The following MTSS2 variants were observed in gnomAD, a reference collection of about 807,000 sequenced individuals.
MTSS2 encodes protein MTSS 2.
MTSS2 carries 27 observed loss-of-function variants against 67.1 expected under a neutral mutation model. That is an observed-to-expected ratio of 0.40 (90% confidence interval 0.30 to 0.55). The LOEUF is 0.55. MTSS2 is among the 20% of genes least tolerant of loss of function. The pLI is 0.43. For synonymous variants in MTSS2, 624 were observed against 468.6 expected, an observed-to-expected ratio of 1.33 and a Z score of -4.28; for missense variants, 1,171 against 1,067.8, an observed-to-expected ratio of 1.10 and a Z score of -1.35.
At position 70,664,456 on chromosome 16, in the gene MTSS2, G is replaced by T. The variant is rs764734815; in HGVS notation, c.1472-7C>A. On this transcript the variant is annotated splice_region_variant and splice_polypyrimidine_tract_variant and intron_variant, in intron 14 of 14. Transcript: ENST00000338779. ...TAGCAGTCGTAGTCGGAGCCTGGGG[G>T]CACGGGACACAGTGAGGCCCAGGGC... 5 of 1,536,508 alleles carry T rather than the reference G, an allele frequency of 3.3e-6. No individual in the cohort carries two copies. The highest frequency in any genetic ancestry group is 2.0e-5 in the Admixed American group (1 of 49,886).
Position 70,663,895 on chromosome 16 carries a change from C to G in MTSS2, c.2026G>C (p.Glu676Gln). ...CCCGCCACCAGCTCCCCCAGCTTCTCCACCAGGCTGTGCCGGTTGGCCGCC... is the reference window on the plus strand; with the variant it reads ...CCCGCCACCAGCTCCCCCAGCTTCTGCACCAGGCTGTGCCGGTTGGCCGCC... The part of the protein sequence containing the change: ...QLAANRHSLV[E>Q]KLGELVAGAH... The change falls in exon 15 of 15, where the codon GAG becomes CAG. Residue 676 changes from glutamate (E) to glutamine (Q), a missense_variant. Transcript: ENST00000338779. 6.5e-7 allele frequency: 1 copy of G among 1,548,170 alleles called. No homozygotes were observed. Among genetic ancestry groups the G allele is most frequent in the Non-Finnish European group, 8.7e-7 (1 of 1,148,540 alleles).
chr16:70,675,248 C>A (rs2142847058), intron 10 of MTSS2, among the ~76,000 whole-genome samples: 1 of 152,128 alleles, frequency 6.6e-6, no homozygotes, highest in Admixed American at 6.6e-5. Context: ...TAGGGTGAGA[C>A]CCTGTCTCTA....
rs1194923780 is a variant in MTSS2, at chr16:70,674,402, G to T, written c.957C>A (p.Arg319=). Residue 319 remains arginine (R), a synonymous_variant, in exon 11 of 15, where the codon CGC becomes CGA. Coordinates refer to ENST00000338779, the MANE Select transcript of MTSS2 (RefSeq NM_138383.3). ...SLAQPATTTA[R]LSSVSSHDSG... is the part of the protein sequence containing the mutation. The stretch of plus-strand genomic sequence containing the variant: ...AGTCATGGGAGGAAACGCTGGAGAG[G>T]CGAGCGGTGGTGGTGGCTGGCTGCG... 2 of 1,614,208 alleles carry T rather than the reference G, an allele frequency of 1.2e-6. No individual in the cohort carries two copies. The highest frequency in any genetic ancestry group is 1.1e-5 in the South Asian group (1 of 91,086).
chr16:70,680,894 G>A, intron 2 of MTSS2, 27 bp from the exon 3 acceptor site: 1 of 1,551,070 alleles, frequency 6.4e-7, no homozygotes, highest in Non-Finnish European at 8.7e-7. Flanking sequence ...CGGCATGGAT[G>A]GTCGGTGGTT....
In MTSS2 at chr16:70,685,728, T is replaced by C; in HGVS notation, c.64A>G (p.Met22Val). Reference protein sequence around the residue: ...GGLFQAIVNDMKSSYPIWEDF... With the variant: ...GGLFQAIVNDVKSSYPIWEDF... ...CCCCGCCGCGCCCCGGTTACCTTCA[T>C]GTCGTTGACTATGGCCTGGAAGAGC... Residue 22 changes from methionine (M) to valine (V), a missense_variant, in exon 1 of 15, where the codon ATG (methionine) becomes GTG (valine). This residue lies in a region of MTSS2 where 247 missense variants were observed against 311.8 expected (regional missense o/e 0.79). Coordinates refer to ENST00000338779, the MANE Select transcript of MTSS2 (RefSeq NM_138383.3). 4 of 1,369,274 alleles carry C rather than the reference T, an allele frequency of 2.9e-6. No homozygotes were observed. The highest frequency in any genetic ancestry group is 3.8e-6 in the Non-Finnish European group (4 of 1,039,834). 84.8% of individuals were successfully genotyped at this position (1,369,274 alleles called of 1,614,324 possible).
chr16:70,664,814 C>T (rs781080659), intron 13 of MTSS2, 51 bp from the exon 14 acceptor site: 3 of 1,546,310 alleles, frequency 1.9e-6, no homozygotes, highest in South Asian at 1.2e-5. Context: ...ATCCCCTCTG[C>T]CCAAATTCCA....
intron 11 of MTSS2, among the ~76,000 whole-genome samples, chr16:70,667,131 TGTG>T (rs1394021938): frequency 6.6e-6 from 1 of 151,762 alleles, no homozygotes; most frequent in East Asian, 1.9e-4. Context: ...GTTAGCCAGG[TGTG>T]GTGGCACATG....
rs80336048 is a variant in MTSS2, at chr16:70,662,189, TATCA to T, written c.*1484_*1487del. The T allele has an allele frequency of 0.45, 68,270 of 151,324 alleles. 17,589 individuals are homozygous for T. The highest frequency in any genetic ancestry group is 0.58 in the Non-Finnish European group (39,119 of 67,706). 9.4% of individuals were successfully genotyped at this position (151,324 alleles called of 1,614,324 possible). A position where few individuals can be genotyped will look rare whatever the true frequency, so the allele number is the denominator to read the frequency against. The stretch of plus-strand genomic sequence containing the variant: ...GGGAGGCTCAGACCCAGCTCCATTC[TATCA>T]ATCAATCAATCAATCATCAAGACCA... On this transcript the variant is annotated 3_prime_UTR_variant, in exon 15 of 15. Transcript: ENST00000338779.
intron 11 of MTSS2, among the ~76,000 whole-genome samples, chr16:70,671,508 TATAA>T (rs1366699395): frequency 6.6e-6 from 1 of 151,940 alleles, no homozygotes; most frequent in Admixed American, 6.6e-5. Context: ...AAATTGAATA[TATAA>T]ATAAATGGGG....
chr16:70,679,248 G>A, intron 7 of MTSS2, 67 bp downstream of exon 7: 3 of 1,590,832 alleles, frequency 1.9e-6, no homozygotes, highest in Non-Finnish European at 2.6e-6. Context: ...ATGGCCCTGA[G>A]CTGGGGGAGA....
chr16:70,666,005 C>T (rs1325900712), intron 11 of MTSS2, among the ~76,000 whole-genome samples: 5 of 152,144 alleles, frequency 3.3e-5, no homozygotes, highest in African/African-American at 7.2e-5. Context: ...TGAGGGCCGT[C>T]GTATTCATAA....
chr16:70,679,893 G>A lies in MTSS2; in HGVS notation c.291-16C>T, dbSNP rs757456456. 39 of 1,584,354 alleles carry A rather than the reference G, an allele frequency of 2.5e-5. No homozygotes were observed. The highest frequency in any genetic ancestry group is 3.2e-5 in the Non-Finnish European group (37 of 1,172,662). On this transcript the variant is annotated splice_polypyrimidine_tract_variant and intron_variant, in intron 4 of 14. Coordinates refer to ENST00000338779, the MANE Select transcript of MTSS2 (RefSeq NM_138383.3). Reference sequence around the variant, plus strand: ...CAGCAGTGCGCTGCGGAGGGCGGGCGGGAGCGCAGGTCAGGGCCGGGCTCC... The same window carrying A: ...CAGCAGTGCGCTGCGGAGGGCGGGCAGGAGCGCAGGTCAGGGCCGGGCTCC...
rs949790161 is a variant in MTSS2, at chr16:70,665,573, C to T, written c.1054-33G>A. 2.0e-6 allele frequency: 3 copies of T among 1,531,884 alleles called. No individual in the cohort carries two copies. In the Admixed American group the frequency reaches 5.9e-5, roughly 30 times the overall value. The allele number at this position is 1,531,884 out of a possible 1,614,324, so 94.9% of individuals were successfully genotyped here. On this transcript the variant is annotated intron_variant, in intron 11 of 14. Coordinates refer to ENST00000338779, the MANE Select transcript of MTSS2 (RefSeq NM_138383.3). ...GCAGAGGCCAGCAGGCGGTTGCAGA[C>T]AGAGGGGCCGGCAGGCAGCAAGGAG... is the stretch of plus-strand genomic sequence containing the variant.
chr16:70,685,779 C>G lies in MTSS2; in HGVS notation c.13G>C (p.Glu5Gln), dbSNP rs777903085. 4.3e-6 allele frequency: 6 copies of G among 1,380,984 alleles called. No individual in the cohort carries two copies. Among genetic ancestry groups the G allele is most frequent in the Non-Finnish European group, 5.7e-6 (6 of 1,047,808 alleles). The allele number at this position is 1,380,984 out of a possible 1,614,324, so 85.5% of individuals were successfully genotyped here. Residue 5 changes from glutamate to glutamine, a missense_variant, in exon 1 of 15, where the codon GAG (glutamate) becomes CAG (glutamine). By Grantham distance (29) the Glu-to-Gln change is conservative (BLOSUM62 2). Around this residue, in one of 2 missense-constraint regions of MTSS2, gnomAD observed 247 missense variants for 311.8 expected, o/e 0.79. Coordinates refer to ENST00000338779, the MANE Select transcript of MTSS2 (RefSeq NM_138383.3). ...CCGCCCAGGGCGCCGCACTCCTTCT[C>G]CGCCGTCTCCATGCTCTGGCTGGGC... META[E>Q]KECGALGGLF... is the part of the protein sequence containing the mutation.
intron 1 of MTSS2, among the ~76,000 whole-genome samples, chr16:70,683,993 C>T (rs143916076): frequency 1.3e-5 from 2 of 152,248 alleles, no homozygotes; most frequent in Non-Finnish European, 2.9e-5. Flanking sequence ...GTCAGCAAAT[C>T]ATGCCCGATG....
In MTSS2 at chr16:70,665,521, G is replaced by A. The variant is rs2052681087; in HGVS notation, c.1073C>T (p.Ser358Phe). 1 of 1,548,514 alleles carries A rather than the reference G, an allele frequency of 6.5e-7. No individual in the cohort carries two copies. The highest frequency in any genetic ancestry group is 8.7e-7 in the Non-Finnish European group (1 of 1,147,362). Reference protein sequence around the residue: ...ITSQKSSSSASSEASETCQSV... With the variant: ...ITSQKSSSSAFSEASETCQSV... ...CTGGCAGGTTTCCGAGGCCTCGGAA[G>A]ATGCAGAGCTGGAGGACTTCTGCCA... The change falls in exon 12 of 15, where the codon TCT becomes TTT. Residue 358 changes from serine to phenylalanine, a missense_variant. Coordinates refer to ENST00000338779, the MANE Select transcript of MTSS2 (RefSeq NM_138383.3).
intron 3 of MTSS2, among the ~76,000 whole-genome samples, chr16:70,680,265 T>A (rs1268961553): frequency 1.3e-5 from 2 of 152,064 alleles, no homozygotes; most frequent in African/African-American, 4.8e-5. Flanking sequence ...GCCAGCCTCC[T>A]GCGGCGGCCT....
rs1354084371 is a variant in MTSS2 at position 70,661,388 on chromosome 16, G to A, written c.*2289C>T. On this transcript the variant is annotated 3_prime_UTR_variant, in exon 15 of 15. Coordinates refer to ENST00000338779, the MANE Select transcript of MTSS2 (RefSeq NM_138383.3). ...CAGATGGGACGGAGGGTGGGGGAGGGGGGGAGGGTGAGTAGGAACCAGGAG... is the reference window on the plus strand; with the variant it reads ...CAGATGGGACGGAGGGTGGGGGAGGAGGGGAGGGTGAGTAGGAACCAGGAG... 6.2e-5 allele frequency: 23 copies of A among 371,116 alleles called. No individual in the cohort carries two copies. Among genetic ancestry groups the A allele is most frequent in the Non-Finnish European group, 1.1e-4 (20 of 189,610 alleles). The allele number at this position is 371,116 out of a possible 1,614,324, so 23.0% of individuals were successfully genotyped here.
Position 70,664,336 on chromosome 16 carries a change from G to A in MTSS2, c.1585C>T (p.Arg529Cys), listed in dbSNP as rs778898944. ...GCTGGGCGCTTGGTCTGGATCAGGC[G>A]GCGGTAGTTCTGGGCGATGTTGCTG... ...RNSNIAQNYR[R>C]LIQTKRPAST... The change falls in exon 15 of 15, where the codon CGC becomes TGC. Residue 529 changes from arginine (R) to cysteine (C), a missense_variant. This residue lies in a region of MTSS2 where 924 missense variants were observed against 756.0 expected (regional missense o/e 1.22). Transcript: ENST00000338779. 5 of 1,598,276 alleles carry A rather than the reference G, an allele frequency of 3.1e-6. No homozygotes were observed. The highest frequency in any genetic ancestry group is 2.2e-5 in the East Asian group (1 of 44,800).
Sources: allele counts gnomAD v4.1 joint callset (sites outside exome capture counted in the v4.1 genomes callset), GRCh38; gene constraint gnomAD v4.1.1; regional missense constraint gnomAD v4.1.1; transcripts MANE v1.5; gene names NCBI Gene and HGNC (gene_info 2026-07-23, HGNC 2026-07-21).